The following TSHZ2 variants were observed in gnomAD, a reference collection of about 807,000 sequenced individuals.
The protein encoded by TSHZ2 is teashirt homolog 2.
TSHZ2 carries 21 observed loss-of-function variants against 74.4 expected under a neutral mutation model. That is an observed-to-expected ratio of 0.28 (90% CI 0.20 to 0.41). The LOEUF (loss-of-function observed/expected upper bound fraction) is 0.41, where lower values mean the gene tolerates loss of function less well. Among genes scored for constraint, TSHZ2 ranks in the 10% least tolerant of loss-of-function variants. The pLI is 1.00. For missense variants in TSHZ2, 1,244 were observed against 1,293.5 expected, an observed-to-expected ratio of 0.96 and a Z score of 0.59; for synonymous variants, 540 against 515.3, an observed-to-expected ratio of 1.05 and a Z score of -0.65.
rs11907526 is a variant in TSHZ2, at chr20:53,123,053, C to T, written c.41-130446C>T. 1.7e-3 allele frequency among the ~76,000 whole-genome samples: 255 copies of T among 152,272 alleles called. 2 individuals are homozygous for T. Among genetic ancestry groups the T allele is most frequent in the African/African-American group, 5.6e-3 (233 of 41,556 alleles). Reference sequence around the variant, plus strand: ...CATAACTACATGAATGGGTTGGAGACAAAACACGGATTAAATCACAGAAGT... The same window carrying T: ...CATAACTACATGAATGGGTTGGAGATAAAACACGGATTAAATCACAGAAGT... On this transcript the variant is annotated intron_variant, in intron 1 of 2. Coordinates refer to ENST00000371497, the MANE Select transcript of TSHZ2 (RefSeq NM_173485.6).
intron 1 of TSHZ2, among the ~76,000 whole-genome samples, chr20:53,129,138 C>T (rs1037058694): frequency 6.6e-6 from 1 of 152,100 alleles, no homozygotes; most frequent in Non-Finnish European, 1.5e-5. Flanking sequence ...GAAACAACAA[C>T]AATATCCAAT....
intron 2 of TSHZ2, among the ~76,000 whole-genome samples, chr20:53,426,676 C>G (rs1983668941): frequency 6.6e-6 from 1 of 152,124 alleles, no homozygotes; most frequent in African/African-American, 2.4e-5. Flanking sequence ...GTATACTTGA[C>G]ATATAACTGC....
intron 2 of TSHZ2, among the ~76,000 whole-genome samples, chr20:53,464,449 A>C (rs1985494620): frequency 6.6e-6 from 1 of 152,044 alleles, no homozygotes; most frequent in African/African-American, 2.4e-5. Flanking sequence ...AAAGGCTGTG[A>C]GGAGGGAAGG....
chr20:53,197,249 G>A (rs900000444), intron 1 of TSHZ2, among the ~76,000 whole-genome samples: 1 of 152,232 alleles, frequency 6.6e-6, no homozygotes, highest in African/African-American at 2.4e-5. Context: ...AGCAGTTGCT[G>A]GCTAAACAGT....
At chr20:53,170,647 C>T (rs745831882) in intron 1 of TSHZ2, among the ~76,000 whole-genome samples, 1 of 152,320 alleles carries the variant, frequency 6.6e-6, no homozygotes, top group Admixed American at 6.5e-5. Context: ...TGTCTCCAGA[C>T]GCTGGCAAAT....
intron 2 of TSHZ2, among the ~76,000 whole-genome samples, chr20:53,294,745 G>C (rs1031806885): frequency 6.6e-6 from 1 of 152,216 alleles, no homozygotes; most frequent in African/African-American, 2.4e-5. Flanking sequence ...TTGGGTTTAA[G>C]TCTTTCTGAT....
chr20:53,488,066 G>GT lies in TSHZ2; in HGVS notation c.*934dup, dbSNP rs1307079043. 6.6e-6 allele frequency: 1 copy of GT among 152,164 alleles called. No individual in the cohort carries two copies. The highest frequency in any genetic ancestry group is 6.5e-5 in the Admixed American group (1 of 15,276). The allele number at this position is 152,164 out of a possible 1,614,324, so 9.4% of individuals were successfully genotyped here. On this transcript the variant is annotated 3_prime_UTR_variant, in exon 3 of 3. Coordinates refer to ENST00000371497, the MANE Select transcript of TSHZ2 (RefSeq NM_173485.6). ...GTAATCCCTTTCTGCAGAACCTGATGTTTATGGGCTCTAAAACGCAGCTTA... is the reference window on the plus strand; with the variant it reads ...GTAATCCCTTTCTGCAGAACCTGATGTTTTATGGGCTCTAAAACGCAGCTTA...
chr20:53,416,008 A>G (rs1337127142), intron 2 of TSHZ2, among the ~76,000 whole-genome samples: 2 of 152,226 alleles, frequency 1.3e-5, no homozygotes, highest in Non-Finnish European at 2.9e-5. Context: ...CAGGAGGGTC[A>G]TGGAGCTAGA....
chr20:53,468,688 C>CAAAAAAAAAAAAAAAAAAAAA (rs1158529552), intron 2 of TSHZ2, among the ~76,000 whole-genome samples: 1 of 65,412 alleles, frequency 1.5e-5, no homozygotes. Context: ...CATTACGAGA[C>CAAAAAAAAAAAAAAAAAAAAA]AAAAAAAAAA....
chr20:53,377,591 G>A (rs1404802061), intron 2 of TSHZ2, among the ~76,000 whole-genome samples: 3 of 152,158 alleles, frequency 2.0e-5, no homozygotes, highest in African/African-American at 7.2e-5. Context: ...CGGGTATGGT[G>A]GCTCACACCT....
intron 2 of TSHZ2, among the ~76,000 whole-genome samples, chr20:53,286,767 A>G (rs4809925): frequency 0.18 from 27,580 of 152,002 alleles, 2,553 homozygotes; most frequent in Middle Eastern, 0.32. Flanking sequence ...GGTAGTGTGC[A>G]CCTGTAGTCC....
At chr20:53,095,461 G>C (rs1303083014) in intron 1 of TSHZ2, among the ~76,000 whole-genome samples, 3 of 152,178 alleles carry the variant, frequency 2.0e-5, no homozygotes, top group Non-Finnish European at 4.4e-5. Flanking sequence ...AGCCCCCTGA[G>C]AATCACATGG....
chr20:53,324,797 C>A (rs1462602154), intron 2 of TSHZ2, among the ~76,000 whole-genome samples: 1 of 152,178 alleles, frequency 6.6e-6, no homozygotes. Flanking sequence ...AAATGTATTG[C>A]CCCTACTATT....
intron 2 of TSHZ2, among the ~76,000 whole-genome samples, chr20:53,376,752 G>A (rs563041013): frequency 4.6e-5 from 7 of 152,262 alleles, no homozygotes; most frequent in Non-Finnish European, 5.9e-5. Flanking sequence ...CACCCTATGC[G>A]ACTAATCTGG....
At chr20:53,167,353 T>C (rs1362971581) in intron 1 of TSHZ2, among the ~76,000 whole-genome samples, 2 of 152,230 alleles carry the variant, frequency 1.3e-5, no homozygotes, top group African/African-American at 4.8e-5. Context: ...CCATATAAGG[T>C]AGACATTATT....
intron 2 of TSHZ2, among the ~76,000 whole-genome samples, chr20:53,363,010 A>T (rs369479965): frequency 6.6e-6 from 1 of 152,236 alleles, no homozygotes; most frequent in Non-Finnish European, 1.5e-5. Context: ...GCCATGCAGC[A>T]TCATAGGATT....
intron 1 of TSHZ2, among the ~76,000 whole-genome samples, chr20:52,977,329 A>C (rs1216872468): frequency 6.6e-6 from 1 of 151,976 alleles, no homozygotes; most frequent in African/African-American, 2.4e-5. Context: ...ATCCTTCAGA[A>C]AGACAAGTTC....
At chr20:53,272,420 C>T (rs1390748786) in intron 2 of TSHZ2, among the ~76,000 whole-genome samples, 2 of 151,960 alleles carry the variant, frequency 1.3e-5, no homozygotes, top group Non-Finnish European at 2.9e-5. Context: ...CTGTTGTATT[C>T]CTTGGAACCC....
intron 1 of TSHZ2, among the ~76,000 whole-genome samples, chr20:53,065,040 A>G (rs1984936254): frequency 6.6e-6 from 1 of 152,240 alleles, no homozygotes; most frequent in East Asian, 1.9e-4. Context: ...AAATCGGTAC[A>G]TAAGTTACCT....
Sources: gnomAD v4.1 joint callset for allele counts (sites outside exome capture counted in the v4.1 genomes callset) on GRCh38, gnomAD v4.1.1 for gene constraint, MANE v1.5 for transcripts, NCBI Gene and HGNC (gene_info 2026-07-23, HGNC 2026-07-21) for gene names.